AHCYL2: variants seen among roughly 807,000 people sequenced by gnomAD.
AHCYL2 encodes S-adenosylhomocysteine hydrolase-like protein 2.
In AHCYL2, 28 loss-of-function variants were observed where a neutral mutation model predicts 81.4. That is an observed-to-expected ratio of 0.34 (90% CI 0.25 to 0.47). The LOEUF is 0.47. Ranked by LOEUF, AHCYL2 falls within the 20% of genes least tolerant of loss-of-function variation. The probability of loss-of-function intolerance (pLI) is 1.00; values close to 1 mark genes in which losing one functional copy is unlikely to be tolerated. For synonymous variants in AHCYL2, 272 were observed against 290.2 expected (o/e 0.94, Z 0.64); for missense variants, 551 against 785.1 (o/e 0.70, Z 3.56).
intron 5 of AHCYL2, among the ~76,000 whole-genome samples, chr7:129,397,876 T>G (rs1004020923): frequency 7.2e-5 from 11 of 152,274 alleles, no homozygotes; most frequent in African/African-American, 2.7e-4. Flanking sequence ...CAGCATTTCA[T>G]TTGTTCTTTC....
intron 1 of AHCYL2, among the ~76,000 whole-genome samples, chr7:129,320,869 A>G (rs950819711): frequency 2.0e-5 from 3 of 152,218 alleles, no homozygotes; most frequent in Admixed American, 6.5e-5. Flanking sequence ...AAATGGAATC[A>G]TACAATGTAT....
intron 12 of AHCYL2, 24 bp from the exon 13 acceptor site, chr7:129,422,816 C>G (rs1562880146): frequency 6.2e-7 from 1 of 1,606,594 alleles, no homozygotes; most frequent in East Asian, 2.2e-5. Context: ...ATGGCTAATG[C>G]TGTACTTGCT....
At chr7:129,391,533 A>C (rs1378621131) in intron 4 of AHCYL2, among the ~76,000 whole-genome samples, 1 of 152,190 alleles carries the variant, frequency 6.6e-6, no homozygotes, top group African/African-American at 2.4e-5. Flanking sequence ...TTATTGTGGC[A>C]ACCAAAAATG....
At chr7:129,349,443 C>T (rs1263629323) in intron 1 of AHCYL2, among the ~76,000 whole-genome samples, 1 of 119,406 alleles carries the variant, frequency 8.4e-6, no homozygotes, top group Non-Finnish European at 1.7e-5. Flanking sequence ...CTAGCCTGGC[C>T]AACATGGTGA....
At chr7:129,301,512 T>G (rs1396279292) in intron 1 of AHCYL2, among the ~76,000 whole-genome samples, 3 of 152,370 alleles carry the variant, frequency 2.0e-5, no homozygotes, top group African/African-American at 7.2e-5. Flanking sequence ...ATTTAAATCT[T>G]TAATCTATTT....
chr7:129,403,503 CAT>C lies in AHCYL2; in HGVS notation c.1025+20_1025+21del. Reference sequence around the variant, plus strand: ...GTTCACAGGTAAGATTTGACATGGGCATACCTGGTTTTATGCAGTCTAGACAT... The same window carrying C: ...GTTCACAGGTAAGATTTGACATGGGCACCTGGTTTTATGCAGTCTAGACAT... On this transcript the variant is annotated intron_variant, in intron 7 of 16. Transcript: ENST00000325006. 5 of 1,533,904 alleles carry C rather than the reference CAT, an allele frequency of 3.3e-6. No individual in the cohort carries two copies. The highest frequency in any genetic ancestry group is 4.5e-6 in the Non-Finnish European group (5 of 1,118,902).
chr7:129,249,568 GGCGCCCGCCACC>G, intron 1 of AHCYL2, among the ~76,000 whole-genome samples: 17 of 151,986 alleles, frequency 1.1e-4, no homozygotes, highest in Admixed American at 2.6e-4. Flanking sequence ...TGGGACTACA[GGCGCCCGCCACC>G]GCGCCCGGCT....
In AHCYL2 at chr7:129,313,947, G is replaced by C. The variant is rs1797749095; in HGVS notation, c.364-65691G>C. Among the ~76,000 whole-genome samples the C allele has an allele frequency of 1.3e-5, 2 of 152,120 alleles. 1 individual carries two copies. The highest frequency in any genetic ancestry group is 4.1e-4 in the South Asian group (2 of 4,832). ...TTGAATGTTAGATTCCAGAAATGTA[G>C]CATTTATAGGTACTGACAAGGTTAC... On this transcript the variant is annotated intron_variant, in intron 1 of 16. Transcript: ENST00000325006.
At chr7:129,380,531 G>A (rs1196901230) in intron 2 of AHCYL2, among the ~76,000 whole-genome samples, 4 of 151,918 alleles carry the variant, frequency 2.6e-5, no homozygotes, top group Admixed American at 6.6e-5. Context: ...TTTGTTCTTC[G>A]TACAAATAGG....
chr7:129,412,228 G>C (rs1425573572), intron 11 of AHCYL2, among the ~76,000 whole-genome samples: 1 of 151,674 alleles, frequency 6.6e-6, no homozygotes, highest in Non-Finnish European at 1.5e-5. Context: ...CCAGATACTC[G>C]AGGAGCTGAA....
intron 1 of AHCYL2, among the ~76,000 whole-genome samples, chr7:129,333,546 AG>A (rs1019120801): frequency 1.6e-3 from 245 of 152,278 alleles, no homozygotes; most frequent in African/African-American, 5.8e-3. Context: ...AATATTGATT[AG>A]GGGTAGTAGA....
chr7:129,300,619 A>G (rs184444388), intron 1 of AHCYL2, among the ~76,000 whole-genome samples: 1 of 152,336 alleles, frequency 6.6e-6, no homozygotes, highest in East Asian at 1.9e-4. Context: ...GAGTGCAGAT[A>G]TCTCTTCAAT....
At chr7:129,395,487 G>A (rs1795685525) in intron 4 of AHCYL2, among the ~76,000 whole-genome samples, 1 of 152,188 alleles carries the variant, frequency 6.6e-6, no homozygotes, top group Non-Finnish European at 1.5e-5. Context: ...TTCCTGGAGA[G>A]CTGGAGAGGT....
intron 1 of AHCYL2, among the ~76,000 whole-genome samples, chr7:129,321,064 C>A (rs1010242600): frequency 1.3e-5 from 2 of 152,176 alleles, no homozygotes; most frequent in Non-Finnish European, 2.9e-5. Context: ...CTCATATTAG[C>A]TTTAGTACAG....
At chr7:129,362,775 T>C (rs985192647) in intron 1 of AHCYL2, among the ~76,000 whole-genome samples, 1 of 152,088 alleles carries the variant, frequency 6.6e-6, no homozygotes, top group Admixed American at 6.6e-5. Flanking sequence ...CAAAGTCCAA[T>C]AAAACAAAGC....
intron 1 of AHCYL2, among the ~76,000 whole-genome samples, chr7:129,324,792 G>A (rs1312032711): frequency 6.6e-6 from 1 of 152,236 alleles, no homozygotes; most frequent in East Asian, 1.9e-4. Flanking sequence ...TGGGATTACA[G>A]GCATGAGCCA....
In AHCYL2 at chr7:129,359,938, GTACA is replaced by G. The variant is rs570793246; in HGVS notation, c.364-19698_364-19695del. On this transcript the variant is annotated intron_variant, in intron 1 of 16. Coordinates refer to ENST00000325006, the MANE Select transcript of AHCYL2 (RefSeq NM_015328.4). ...CACTGGATTAGTCAGTGGCAAGGAG[GTACA>G]TTTAGTTTATACTAAGCATAATTTT... Among the ~76,000 whole-genome samples the G allele has an allele frequency of 5.6e-3, 855 of 152,192 alleles. 6 individuals carry two copies. Among genetic ancestry groups the G allele is most frequent in the Non-Finnish European group, 0.011 (725 of 68,004 alleles).
chr7:129,360,649 G>A (rs141144530), intron 1 of AHCYL2, among the ~76,000 whole-genome samples: 134 of 152,286 alleles, frequency 8.8e-4, no homozygotes, highest in Admixed American at 4.2e-3. Context: ...ACCTAGACCA[G>A]GAACTGGAAA....
chr7:129,270,332 A>G (rs1490897579), intron 1 of AHCYL2, among the ~76,000 whole-genome samples: 10 of 152,196 alleles, frequency 6.6e-5, no homozygotes, highest in African/African-American at 2.4e-4. Context: ...AATAGTATAC[A>G]TTCCCTTTAG....
Sources: allele counts gnomAD v4.1 joint callset (sites outside exome capture counted in the v4.1 genomes callset), GRCh38; gene constraint gnomAD v4.1.1; transcripts MANE v1.5; gene names NCBI Gene and HGNC (gene_info 2026-07-23, HGNC 2026-07-21).